ZNF454: variants seen among roughly 807,000 people sequenced by gnomAD.
ZNF454 encodes the protein zinc finger protein 454.
A neutral mutation model predicts 48.2 loss-of-function variants in ZNF454; 30 were observed. The observed-to-expected ratio is 0.62, with a 90% CI of 0.47 to 0.84. The LOEUF is 0.84. Ranked by LOEUF, ZNF454 falls within the 40% of genes least tolerant of loss-of-function variation. The pLI, the probability that ZNF454 is intolerant of heterozygous loss-of-function variation, is 0.00. For synonymous variants in ZNF454, 204 were observed against 211.4 expected (o/e 0.97, Z 0.30); for missense variants, 510 against 623.1 (o/e 0.82, Z 1.93).
At chr5:178,963,465 G>C (rs1392882858) in intron 4 of ZNF454, among the ~76,000 whole-genome samples, 1 of 151,754 alleles carries the variant, frequency 6.6e-6, no homozygotes, top group African/African-American at 2.4e-5. Context: ...ATTCTAAAAT[G>C]ATACCAGGAG....
chr5:178,985,447 T>C, the ZNF454 span, among the ~76,000 whole-genome samples: 2 of 150,730 alleles, frequency 1.3e-5, no homozygotes, highest in Non-Finnish European at 2.9e-5. Context: ...CTCCCGCCTG[T>C]CATCCCAGCA....
the ZNF454 span, chr5:178,980,668 C>T: frequency 3.3e-5 from 5 of 152,432 alleles, no homozygotes; most frequent in African/African-American, 1.2e-4. The surrounding 1 kb of genome is among the most constrained non-coding windows in gnomAD (Gnocchi z 4.3). Context: ...GAGTCTCGCT[C>T]TGTCACCCAG....
At chr5:178,984,655 C>G in the ZNF454 span, among the ~76,000 whole-genome samples, 1 of 152,142 alleles carries the variant, frequency 6.6e-6, no homozygotes, top group Non-Finnish European at 1.5e-5. Flanking sequence ...AGGGCACCTT[C>G]TCAGGATGTG....
chr5:178,981,418 T>TCGTATAA, the ZNF454 span: 1 of 519,578 alleles, frequency 1.9e-6, no homozygotes. The surrounding 1 kb of genome is among the most constrained non-coding windows in gnomAD (Gnocchi z 5.1). Context: ...TCGGTGGCTG[T>TCGTATAA]TTCCCACCAT....
rs113285671 is a variant in ZNF454 at position 178,944,282 on chromosome 5, A to G, written c.33+1458A>G. 0.015 allele frequency among the ~76,000 whole-genome samples: 2,250 copies of G among 152,180 alleles called. 65 individuals carry two copies. Among genetic ancestry groups the G allele is most frequent in the African/African-American group, 0.051 (2,115 of 41,504 alleles). On this transcript the variant is annotated intron_variant, in intron 2 of 4. Coordinates refer to ENST00000519564, the MANE Select transcript of ZNF454 (RefSeq NM_001178089.3). This position sits in a 1 kb window ranked among gnomAD's most constrained non-coding sequence, Gnocchi z 4.1. ...TGACTTGTCACTTAGGACCCTTCTC[A>G]TGCACCACTTTTTCTGCAAAACCTG...
At chr5:178,982,113 G>C in the ZNF454 span, among the ~76,000 whole-genome samples, 2 of 152,186 alleles carry the variant, frequency 1.3e-5, no homozygotes, top group Non-Finnish European at 2.9e-5. Flanking sequence ...GGGAGCCGGG[G>C]CATGTCAGTG....
the ZNF454 span, chr5:178,989,129 T>G: frequency 9.3e-6 from 15 of 1,613,772 alleles, no homozygotes; most frequent in East Asian, 3.3e-4. Flanking sequence ...GCCGATGCGT[T>G]CCTCGCCTGT....
At chr5:178,985,701 TAAA>T in the ZNF454 span, 9 of 349,326 alleles carry the variant, frequency 2.6e-5, no homozygotes, top group East Asian at 8.3e-5. Context: ...AGACTCTGTC[TAAA>T]AAAAAAAAAA....
intron 4 of ZNF454, among the ~76,000 whole-genome samples, chr5:178,953,536 A>T (rs1314285053): frequency 1.3e-5 from 2 of 151,744 alleles, no homozygotes; most frequent in Non-Finnish European, 2.9e-5. Context: ...TACGCTGTTC[A>T]CTGTGTCTCG....
At chr5:178,983,350 C>T in the ZNF454 span, 11 of 820,880 alleles carry the variant, frequency 1.3e-5, no homozygotes, top group African/African-American at 3.4e-5. Context: ...TCCACCTCTT[C>T]GTGGTGGCTC....
downstream of ZNF454, among the ~76,000 whole-genome samples, chr5:178,966,753 C>G (rs1760168890): frequency 6.6e-6 from 1 of 152,126 alleles, no homozygotes; most frequent in African/African-American, 2.4e-5. Flanking sequence ...CACCGACACC[C>G]AGTGTAGAGA....
the ZNF454 span, chr5:178,989,720 T>A: frequency 2.2e-6 from 1 of 452,560 alleles, no homozygotes; most frequent in Non-Finnish European, 4.1e-6. Context: ...TGAAAGACTT[T>A]TATCCCTGCT....
chr5:178,987,043 G>A, the ZNF454 span: 15 of 1,557,450 alleles, frequency 9.6e-6, no homozygotes, highest in Non-Finnish European at 1.3e-5. Flanking sequence ...GGCCTCCTGG[G>A]GAGGCCCCAG....
chr5:178,986,310 C>G, the ZNF454 span: 1 of 1,613,936 alleles, frequency 6.2e-7, no homozygotes, highest in South Asian at 1.1e-5. Context: ...CGGCACAGAC[C>G]GCGGCCCCAG....
chr5:178,985,682 G>C, the ZNF454 span: 15 of 386,938 alleles, frequency 3.9e-5, no homozygotes, highest in Admixed American at 6.9e-5. Flanking sequence ...CAGCCTGGGC[G>C]ACACAGCGAG....
the ZNF454 span, among the ~76,000 whole-genome samples, chr5:178,975,853 A>G: frequency 0.027 from 4,064 of 152,170 alleles, 87 homozygotes; most frequent in South Asian, 0.074. Flanking sequence ...TTTACCCCCA[A>G]TCATCTGGGT....
the ZNF454 span, chr5:178,986,588 C>T: frequency 7.5e-6 from 12 of 1,606,030 alleles, no homozygotes; most frequent in South Asian, 3.3e-5. Context: ...GGACAGGCCT[C>T]GCATGTGAAC....
At chr5:178,952,043 T>G (rs547947265) in intron 4 of ZNF454, among the ~76,000 whole-genome samples, 3 of 151,770 alleles carry the variant, frequency 2.0e-5, no homozygotes, top group Non-Finnish European at 4.4e-5. Context: ...CATCTTGTTT[T>G]TTTTTTTTTT....
chr5:178,982,141 T>C, the ZNF454 span, among the ~76,000 whole-genome samples: 3 of 152,160 alleles, frequency 2.0e-5, no homozygotes, highest in Non-Finnish European at 2.9e-5. Flanking sequence ...ACGTTTCAAA[T>C]ACATACAAAT....
Sources: gnomAD v4.1 joint callset for allele counts (sites outside exome capture counted in the v4.1 genomes callset) on GRCh38, gnomAD v4.1.1 for gene constraint, Gnocchi (gnomAD v3.1) non-coding constraint, MANE v1.5 for transcripts, NCBI Gene and HGNC (gene_info 2026-07-23, HGNC 2026-07-21) for gene names.